Variants in AKAP19 observed in about 807,000 individuals in gnomAD.
AKAP19 encodes the protein A-kinase anchoring protein 19, also known as small A-kinase anchoring protein.
chr2:190,042,447 T>C, the AKAP19 span, among the ~76,000 whole-genome samples: 1 of 152,080 alleles, frequency 6.6e-6, no homozygotes, highest in African/African-American at 2.4e-5. Flanking sequence ...TATTAATTTT[T>C]TTTTTCAAAA....
chr2:189,960,171 C>T, the AKAP19 span, among the ~76,000 whole-genome samples: 6 of 152,226 alleles, frequency 3.9e-5, no homozygotes, highest in African/African-American at 1.4e-4. Flanking sequence ...TGAACACCGG[C>T]TGTTAGGTTG....
the AKAP19 span, among the ~76,000 whole-genome samples, chr2:190,062,030 A>G: frequency 6.6e-6 from 1 of 152,048 alleles, no homozygotes; most frequent in Non-Finnish European, 1.5e-5. Context: ...TCTCTATAAG[A>G]AAACAAATAA....
chr2:190,185,264 C>T, the AKAP19 span, among the ~76,000 whole-genome samples: 57 of 152,184 alleles, frequency 3.7e-4, no homozygotes, highest in Admixed American at 1.4e-3. Flanking sequence ...AGGAAAAAAG[C>T]TGTCCTCTAC....
At chr2:189,901,468 G>C in the AKAP19 span, among the ~76,000 whole-genome samples, 1 of 152,068 alleles carries the variant, frequency 6.6e-6, no homozygotes, top group Non-Finnish European at 1.5e-5. Flanking sequence ...CTCCCGAGTA[G>C]CTGGGACTAC....
the AKAP19 span, among the ~76,000 whole-genome samples, chr2:190,040,141 C>T: frequency 1.2e-4 from 18 of 152,330 alleles, no homozygotes; most frequent in South Asian, 1.0e-3. Context: ...CTCCCACCAA[C>T]GGCGTATAAG....
the AKAP19 span, among the ~76,000 whole-genome samples, chr2:190,028,808 A>G: frequency 7.9e-5 from 12 of 152,216 alleles, no homozygotes. Context: ...AAAAACCTAT[A>G]TATCTTTTTT....
At chr2:190,200,228 G>T in the AKAP19 span, 5 of 1,140,908 alleles carry the variant, frequency 4.4e-6, no homozygotes, top group Non-Finnish European at 3.9e-6. Flanking sequence ...GTGTGAAAAA[G>T]TACAAATAAC....
chr2:189,919,940 G>A, the AKAP19 span, among the ~76,000 whole-genome samples: 7,580 of 152,100 alleles, frequency 0.05, 314 homozygotes, highest in African/African-American at 0.1. Context: ...AAAGTGGCAA[G>A]TAGCAGCCTA....
chr2:190,078,431 G>T, the AKAP19 span, among the ~76,000 whole-genome samples: 6 of 152,102 alleles, frequency 3.9e-5, no homozygotes, highest in Admixed American at 1.3e-4. Context: ...CATAGCAGAA[G>T]GGTGGAAATA....
At chr2:190,035,351 A>G in the AKAP19 span, among the ~76,000 whole-genome samples, 1 of 152,046 alleles carries the variant, frequency 6.6e-6, no homozygotes, top group Non-Finnish European at 1.5e-5. Flanking sequence ...GAATTGCTTG[A>G]ACCCGGGAGG....
chr2:190,030,552 T>C, the AKAP19 span, among the ~76,000 whole-genome samples: 1 of 152,304 alleles, frequency 6.6e-6, no homozygotes, highest in African/African-American at 2.4e-5. Flanking sequence ...AGGTGATAGG[T>C]AGCAAACCAT....
the AKAP19 span, among the ~76,000 whole-genome samples, chr2:189,890,355 A>G: frequency 6.6e-6 from 1 of 152,140 alleles, no homozygotes; most frequent in Non-Finnish European, 1.5e-5. Context: ...GGTCAATTTT[A>G]GAATAAGTGC....
chr2:190,138,592 C>G, the AKAP19 span, among the ~76,000 whole-genome samples: 1 of 152,326 alleles, frequency 6.6e-6, no homozygotes, highest in African/African-American at 2.4e-5. Context: ...TTTCTTACAG[C>G]TGTCCAGTCT....
At chr2:189,976,366 G>A in the AKAP19 span, among the ~76,000 whole-genome samples, 1 of 152,248 alleles carries the variant, frequency 6.6e-6, no homozygotes, top group Non-Finnish European at 1.5e-5. Flanking sequence ...TACCAGCCAT[G>A]TGAGGTGTTA....
At chr2:190,136,414 C>T in the AKAP19 span, among the ~76,000 whole-genome samples, 1 of 152,132 alleles carries the variant, frequency 6.6e-6, no homozygotes, top group African/African-American at 2.4e-5. Flanking sequence ...TCAGCATAGA[C>T]AAAATGCCAA....
chr2:189,907,392 T>C, the AKAP19 span, among the ~76,000 whole-genome samples: 7 of 152,218 alleles, frequency 4.6e-5, no homozygotes, highest in Admixed American at 6.5e-5. Context: ...TTCCTCAGGA[T>C]ACCTGCAGTA....
At chr2:189,932,615 G>A in the AKAP19 span, among the ~76,000 whole-genome samples, 110,153 of 151,252 alleles carry the variant, frequency 0.73, 45,771 homozygotes, top group Non-Finnish European at 0.92. Context: ...TGAGGCAGAA[G>A]GATTGCTTGA....
the AKAP19 span, among the ~76,000 whole-genome samples, chr2:189,900,739 A>ATT: frequency 1.3e-5 from 2 of 152,148 alleles, no homozygotes; most frequent in African/African-American, 4.8e-5. Context: ...AGTAAAAAGA[A>ATT]TTTACCAAGA....
At chr2:190,038,901 T>TTTCTTTCTTTCTTCTTCTTCTTC in the AKAP19 span, among the ~76,000 whole-genome samples, 3 of 46,018 alleles carry the variant, frequency 6.5e-5, no homozygotes, top group African/African-American at 2.2e-4. Flanking sequence ...TCTTTCTTTC[T>TTTCTTTCTTTCTTCTTCTTCTTC]TTCTTCTTCT....
Sources: gnomAD v4.1 joint callset for allele counts (sites outside exome capture counted in the v4.1 genomes callset) on GRCh38, gnomAD v4.1.1 for gene constraint, MANE v1.5 for transcripts, NCBI Gene and HGNC (gene_info 2026-07-23, HGNC 2026-07-21) for gene names.